The following TSPAN4 variants were observed in gnomAD, a reference collection of about 807,000 sequenced individuals.
The protein encoded by TSPAN4 is tetraspanin 4.
A neutral mutation model predicts 31.5 loss-of-function variants in TSPAN4; 38 were observed. That is an observed-to-expected ratio of 1.21 (90% CI 0.93 to 1.58). The LOEUF (loss-of-function observed/expected upper bound fraction) is 1.58. Ranked by LOEUF, TSPAN4 falls within the 40% of genes most tolerant of loss-of-function variation. The pLI is 0.00. For synonymous variants in TSPAN4, 186 were observed against 144.6 expected, an observed-to-expected ratio of 1.29 and a Z score of -2.06; for missense variants, 330 against 317.3, an observed-to-expected ratio of 1.04 and a Z score of -0.30.
intron 3 of TSPAN4, among the ~76,000 whole-genome samples, chr11:853,012 A>G (rs1363390058): frequency 1.3e-5 from 2 of 151,710 alleles, no homozygotes; most frequent in African/African-American, 2.4e-5. Flanking sequence ...GGGGTGAGGA[A>G]AGTTGTGTGT....
At chr11:851,097 C>G (rs1565132613) in intron 3 of TSPAN4, among the ~76,000 whole-genome samples, 1 of 152,204 alleles carries the variant, frequency 6.6e-6, no homozygotes, top group Admixed American at 6.5e-5. Flanking sequence ...AGAGGGCGGA[C>G]AGGGTTCCAC....
At position 848,821 on chromosome 11, in the gene TSPAN4, G is replaced by T. The variant is rs1847463196; in HGVS notation, c.-17-1467G>T. 1.6e-6 allele frequency: 1 copy of T among 634,806 alleles called. No individual in the cohort carries two copies. The allele number at this position is 634,806 out of a possible 1,614,324, so 39.3% of individuals were successfully genotyped here. A position where few individuals can be genotyped will look rare whatever the true frequency, so the allele number is the denominator to read the frequency against. On this transcript the variant is annotated intron_variant, in intron 2 of 8. Coordinates refer to ENST00000397397, the MANE Select transcript of TSPAN4 (RefSeq NM_003271.5). This position sits in a 1 kb window ranked among gnomAD's most constrained non-coding sequence, Gnocchi z 5.7. ...GGGGCTGGGGCTTCAGAGGCGTGGG[G>T]TAGGCTGCAGGGCACAGCTGGGGGC...
intron 3 of TSPAN4, among the ~76,000 whole-genome samples, chr11:861,978 G>C (rs1246073407): frequency 6.6e-6 from 1 of 152,218 alleles, no homozygotes; most frequent in Non-Finnish European, 1.5e-5. Flanking sequence ...GAGGGAATCA[G>C]CGTTTCTCCT....
intron 4 of TSPAN4, chr11:863,435 T>C (rs892315703): frequency 1.3e-5 from 2 of 152,174 alleles, no homozygotes; most frequent in African/African-American, 4.8e-5. Context: ...GGGCCTCCCT[T>C]AGGTCGCCTC....
intron 2 of TSPAN4, chr11:850,054 C>G: frequency 3.1e-6 from 1 of 324,212 alleles, no homozygotes. Flanking sequence ...ACGGACGAGT[C>G]CACGTACCGG....
At position 865,984 on chromosome 11, in the gene TSPAN4, T is replaced by C. The variant is rs775835178; in HGVS notation, c.631T>C (p.Cys211Arg). The change falls in exon 8 of 9, where the codon TGC becomes CGC. Residue 211 changes from cysteine (C) to arginine (R), a missense_variant. Transcript: ENST00000397397. ...GCTGGCTGTGGGCATCTTTGGGCTG[T>C]GCACGGCGCTGGTGCAGGTATGGCC... ...NLLAVGIFGLCTALVQILGLT... is the reference protein window; with the variant it reads ...NLLAVGIFGLRTALVQILGLT... 3.7e-6 allele frequency: 6 copies of C among 1,612,208 alleles called. No individual in the cohort carries two copies. Among genetic ancestry groups the C allele is most frequent in the Non-Finnish European group, 8.5e-7 (1 of 1,179,974 alleles).
intron 8 of TSPAN4, 103 bp downstream of exon 8, chr11:866,104 G>C (rs568231528): frequency 1.6e-6 from 2 of 1,252,310 alleles, no homozygotes; most frequent in Non-Finnish European, 2.2e-6. Context: ...ACCCACGATC[G>C]GGGGAGGCCG....
chr11:845,990 G>A (rs892496929), intron 1 of TSPAN4, among the ~76,000 whole-genome samples: 5 of 152,314 alleles, frequency 3.3e-5, no homozygotes, highest in African/African-American at 4.8e-5. Context: ...GGCTTGGGAC[G>A]GGCACTGGGG....
At chr11:843,876 C>G (rs1446298115) in intron 1 of TSPAN4, 2 of 153,014 alleles carry the variant, frequency 1.3e-5, no homozygotes, top group African/African-American at 2.4e-5. Context: ...CTGCGTCTGC[C>G]TTAGTTGCAG....
Position 848,046 on chromosome 11 carries a change from A to G in TSPAN4, c.-18+746A>G, listed in dbSNP as rs895244714. ...GGCACCTGCCCTTGCCTGGCCCACGAGTAGGTGCTCTGAGCGCTGCCCAGG... is the reference window on the plus strand; with the variant it reads ...GGCACCTGCCCTTGCCTGGCCCACGGGTAGGTGCTCTGAGCGCTGCCCAGG... On this transcript the variant is annotated intron_variant, in intron 2 of 8. Coordinates refer to ENST00000397397, the MANE Select transcript of TSPAN4 (RefSeq NM_003271.5). This position sits in a 1 kb window ranked among gnomAD's most constrained non-coding sequence, Gnocchi z 5.7. Among the ~76,000 whole-genome samples the G allele has an allele frequency of 2.0e-5, 3 of 152,174 alleles. No individual in the cohort carries two copies. In the East Asian group the frequency reaches 5.8e-4, roughly 29 times the overall value.
intron 1 of TSPAN4, among the ~76,000 whole-genome samples, chr11:846,329 C>T (rs1256157913): frequency 6.6e-6 from 1 of 152,208 alleles, no homozygotes; most frequent in African/African-American, 2.4e-5. Flanking sequence ...TTGTGGGTGT[C>T]TGAGATCTCC....
In TSPAN4 at chr11:864,427, C is replaced by G; in HGVS notation, c.256-10C>G. 6.2e-7 allele frequency: 1 copy of G among 1,611,950 alleles called. No individual in the cohort carries two copies. Among genetic ancestry groups the G allele is most frequent in the African/African-American group, 1.3e-5 (1 of 75,034 alleles). ...TTTCGGGTCCCTGTCTGAGCCTGCC[C>G]CCTCCACAGTTCTTCCTGCTGCTGC... On this transcript the variant is annotated splice_polypyrimidine_tract_variant and intron_variant, in intron 4 of 8. Coordinates refer to ENST00000397397, the MANE Select transcript of TSPAN4 (RefSeq NM_003271.5).
At chr11:860,920 C>T (rs28397590) in intron 3 of TSPAN4, among the ~76,000 whole-genome samples, 151,080 of 152,282 alleles carry the variant, frequency 0.99, 74,959 homozygotes, top group Middle Eastern at 1. Flanking sequence ...CACCCCAGGA[C>T]GTCTACCCAC....
chr11:860,713 G>A (rs781122737), intron 3 of TSPAN4, among the ~76,000 whole-genome samples: 5 of 152,180 alleles, frequency 3.3e-5, no homozygotes, highest in Non-Finnish European at 4.4e-5. Context: ...GTGACTTGGG[G>A]CTTCTGGTAG....
intron 3 of TSPAN4, among the ~76,000 whole-genome samples, chr11:852,092 G>T (rs2134007106): frequency 6.6e-6 from 1 of 152,210 alleles, no homozygotes; most frequent in East Asian, 1.9e-4. Flanking sequence ...AACCCCCTTG[G>T]GACCCTATTC....
At chr11:855,898 C>T (rs368971492) in intron 3 of TSPAN4, among the ~76,000 whole-genome samples, 2 of 152,212 alleles carry the variant, frequency 1.3e-5, no homozygotes, top group South Asian at 2.1e-4. Flanking sequence ...AAGGACGTGG[C>T]TGGCAGCCCA....
chr11:853,328 A>G (rs1419725755), intron 3 of TSPAN4, among the ~76,000 whole-genome samples: 3 of 152,178 alleles, frequency 2.0e-5, no homozygotes, highest in African/African-American at 2.4e-5. Context: ...AGGCCCTCAC[A>G]GTACTCCTGG....
intron 3 of TSPAN4, among the ~76,000 whole-genome samples, chr11:861,604 C>G (rs891851306): frequency 1.3e-5 from 2 of 151,904 alleles, no homozygotes; most frequent in Non-Finnish European, 2.9e-5. Context: ...CCCAGCTACT[C>G]GGGAGGCTGA....
chr11:862,803 C>T (rs1482779011), intron 4 of TSPAN4, 62 bp downstream of exon 4: 1 of 1,485,432 alleles, frequency 6.7e-7, no homozygotes, highest in African/African-American at 1.4e-5. Context: ...CTCCGGTGGC[C>T]CCCAGGCCTT....
Sources: allele counts gnomAD v4.1 joint callset (sites outside exome capture counted in the v4.1 genomes callset), GRCh38; gene constraint gnomAD v4.1.1; non-coding constraint Gnocchi (gnomAD v3.1); transcripts MANE v1.5; gene names NCBI Gene and HGNC (gene_info 2026-07-23, HGNC 2026-07-21).